The following ZNF821 variants were observed in gnomAD, a reference collection of about 807,000 sequenced individuals.
The protein encoded by ZNF821 is zinc finger protein 821.
Under a neutral mutation model 44.3 loss-of-function variants are expected in ZNF821, and 16 were observed. That is an observed-to-expected ratio of 0.36 (90% CI 0.24 to 0.55). The LOEUF is 0.55. Ranked by LOEUF, ZNF821 falls within the 20% of genes least tolerant of loss-of-function variation. The pLI is 0.86. For synonymous variants in ZNF821, 204 were observed against 197.6 expected, an observed-to-expected ratio of 1.03 and a Z score of -0.27; for missense variants, 436 against 547.6, an observed-to-expected ratio of 0.80 and a Z score of 2.03.
chr16:71,879,114 GT>G (rs529258826), intron 3 of ZNF821, among the ~76,000 whole-genome samples: 1 of 152,064 alleles, frequency 6.6e-6, no homozygotes, highest in Admixed American at 6.6e-5. Context: ...ACCTTCAGTA[GT>G]TCCCTACGGA....
At chr16:71,882,644 G>T (rs1306380856) in intron 2 of ZNF821, among the ~76,000 whole-genome samples, 1 of 152,100 alleles carries the variant, frequency 6.6e-6, no homozygotes, top group Non-Finnish European at 1.5e-5. Context: ...GTGATCAAGA[G>T]AAAAATAAGC....
chr16:71,875,702 T>A (rs2035735552), intron 3 of ZNF821, among the ~76,000 whole-genome samples: 1 of 152,134 alleles, frequency 6.6e-6, no homozygotes, highest in Non-Finnish European at 1.5e-5. Flanking sequence ...GACCTCGTGA[T>A]CCGCCGGCCT....
intron 1 of ZNF821, chr16:71,894,816 C>T (rs767340794): frequency 3.9e-6 from 6 of 1,533,176 alleles, no homozygotes; most frequent in Middle Eastern, 1.7e-4. Flanking sequence ...AAGGTCCCTT[C>T]CAGGCTTAAG....
chr16:71,893,959 T>A (rs2036914932), intron 1 of ZNF821: 1 of 151,722 alleles, frequency 6.6e-6, no homozygotes, highest in African/African-American at 2.4e-5. Context: ...GTATTTTTTT[T>A]AGTAGAGACG....
In ZNF821 at chr16:71,860,003, G is replaced by T; in HGVS notation, c.*15C>A. ...GGTAGGTAGGTGGGAAGGAGGGCAG[G>T]CAGGAGGGTGTGGTTCAGTGCAGAG... On this transcript the variant is annotated 3_prime_UTR_variant, in exon 8 of 8. Coordinates refer to ENST00000425432, the MANE Select transcript of ZNF821 (RefSeq NM_001201552.2). This position sits in a 1 kb window ranked among gnomAD's most constrained non-coding sequence, Gnocchi z 7.3. 1.3e-6 allele frequency: 2 copies of T among 1,560,060 alleles called. No individual in the cohort carries two copies. Among genetic ancestry groups the T allele is most frequent in the Non-Finnish European group, 1.7e-6 (2 of 1,154,238 alleles).
At chr16:71,887,909 T>G (rs2142499833), upstream of ZNF821, among the ~76,000 whole-genome samples, 1 of 150,500 alleles carries the variant, frequency 6.6e-6, no homozygotes, top group East Asian at 2.0e-4. Flanking sequence ...CAGGCTGGAG[T>G]GCAGCACAGT....
Position 71,880,762 on chromosome 16 carries a change from G to C in ZNF821, c.-77-739C>G, listed in dbSNP as rs1308795242. On this transcript the variant is annotated intron_variant, in intron 2 of 7. Coordinates refer to ENST00000425432, the MANE Select transcript of ZNF821 (RefSeq NM_001201552.2). ...CCTGGCCCTCCTCACACATTCCAGAGAGGTGGTCAAAGTTAATAACTTTAG... is the reference window on the plus strand; with the variant it reads ...CCTGGCCCTCCTCACACATTCCAGACAGGTGGTCAAAGTTAATAACTTTAG... 2.0e-5 allele frequency among the ~76,000 whole-genome samples: 3 copies of C among 152,274 alleles called. No individual in the cohort carries two copies. In the East Asian group the frequency reaches 5.8e-4, roughly 29 times the overall value.
Position 71,883,286 on chromosome 16 carries a change from A to G in ZNF821, c.-140-13T>C, listed in dbSNP as rs1347574198. The G allele has an allele frequency of 2.5e-5, 11 of 446,242 alleles. No individual in the cohort carries two copies. The Admixed American group carries it at 2.6e-4, about 11-fold the overall frequency. The allele number at this position is 446,242 out of a possible 1,614,324, so 27.6% of individuals were successfully genotyped here. A position where few individuals can be genotyped will look rare whatever the true frequency, so the allele number is the denominator to read the frequency against. ...AAGTGATCTGTATCTGCCAAAAAGG[A>G]GAGGACAAGAAAGCTGGTCACTTAG... On this transcript the variant is annotated splice_polypyrimidine_tract_variant and intron_variant, in intron 1 of 7. Coordinates refer to ENST00000425432, the MANE Select transcript of ZNF821 (RefSeq NM_001201552.2).
intron 1 of ZNF821, chr16:71,894,692 TTTTAAC>T: frequency 1.6e-6 from 1 of 621,650 alleles, no homozygotes; most frequent in Non-Finnish European, 2.8e-6. Context: ...CTCCCCTAAT[TTTTAAC>T]TTTTTTTTTT....
At chr16:71,888,265 C>T (rs1428848698), upstream of ZNF821, among the ~76,000 whole-genome samples, 7 of 152,064 alleles carry the variant, frequency 4.6e-5, no homozygotes, top group Admixed American at 4.6e-4. Context: ...TCCTTTGAAG[C>T]ACAAAGTTTT....
intron 1 of ZNF821, among the ~76,000 whole-genome samples, chr16:71,893,748 C>CA (rs1398893240): frequency 6.6e-6 from 1 of 151,570 alleles, no homozygotes; most frequent in Admixed American, 6.6e-5. Flanking sequence ...CATAAGCCAC[C>CA]ATGCCCAGCC....
intron 1 of ZNF821, chr16:71,894,871 A>G: frequency 1.3e-6 from 2 of 1,520,604 alleles, no homozygotes; most frequent in Non-Finnish European, 1.8e-6. Flanking sequence ...AACCAAGGAA[A>G]AAGTTTTCTC....
At chr16:71,869,541 C>T (rs933850661) in intron 3 of ZNF821, among the ~76,000 whole-genome samples, 2 of 148,692 alleles carry the variant, frequency 1.3e-5, no homozygotes, top group South Asian at 2.1e-4. Flanking sequence ...TGCAAAACTC[C>T]GTGTGGTAGG....
intron 3 of ZNF821, 50 bp from the exon 4 acceptor site, chr16:71,868,087 C>T (rs2034753900): frequency 3.3e-6 from 5 of 1,515,620 alleles, no homozygotes; most frequent in Non-Finnish European, 3.5e-6. Flanking sequence ...GCAGCATATC[C>T]CCAGGCAAGC....
chr16:71,870,950 C>G (rs757363090), intron 3 of ZNF821, among the ~76,000 whole-genome samples: 1 of 152,198 alleles, frequency 6.6e-6, no homozygotes, highest in Non-Finnish European at 1.5e-5. Context: ...AACTTAGAAA[C>G]CAGCTAGATT....
chr16:71,868,958 G>T (rs1314212034), intron 3 of ZNF821, among the ~76,000 whole-genome samples: 2 of 152,064 alleles, frequency 1.3e-5, no homozygotes, highest in Non-Finnish European at 2.9e-5. Flanking sequence ...CACCATGCCT[G>T]GCCAGTCCAG....
intron 3 of ZNF821, among the ~76,000 whole-genome samples, chr16:71,873,869 T>C (rs2035500302): frequency 6.6e-6 from 1 of 151,878 alleles, no homozygotes; most frequent in Admixed American, 6.6e-5. Flanking sequence ...CCCAAGCTGG[T>C]CTCGAACTCC....
In ZNF821 at chr16:71,894,893, AT is replaced by A. The variant is rs1457459515; in HGVS notation, n.443del. On this transcript the variant is annotated non_coding_transcript_exon_variant, in exon 1 of 3. Coordinates refer to the ZNF821 transcript ENST00000561700. ...GAAAAAGTTTTCTCTGAATACCGAG[AT>A]AAATTAGGGAAATCGCCAGAGACTG... The A allele has an allele frequency of 9.2e-6, 13 of 1,408,462 alleles. No homozygotes were observed. In the Middle Eastern group the frequency reaches 5.2e-4, roughly 56 times the overall value. The allele number at this position is 1,408,462 out of a possible 1,614,324, so 87.2% of individuals were successfully genotyped here.
At chr16:71,862,214 T>C (rs1485231314) in intron 6 of ZNF821, among the ~76,000 whole-genome samples, 13 of 152,188 alleles carry the variant, frequency 8.5e-5, no homozygotes, top group Non-Finnish European at 1.9e-4. Flanking sequence ...CAGTGGCTCA[T>C]GCCTGTAATC....
Sources: gnomAD v4.1 joint callset for allele counts (sites outside exome capture counted in the v4.1 genomes callset) on GRCh38, gnomAD v4.1.1 for gene constraint, Gnocchi (gnomAD v3.1) non-coding constraint, MANE v1.5 for transcripts, NCBI Gene and HGNC (gene_info 2026-07-23, HGNC 2026-07-21) for gene names.